Variants in MSANTD3 observed in about 807,000 individuals in gnomAD.
The protein encoded by MSANTD3 is myb/SANT-like DNA-binding domain-containing protein 3.
In MSANTD3, 11 loss-of-function variants were observed where a neutral mutation model predicts 27.7. The observed-to-expected ratio is 0.40, with a 90% CI of 0.25 to 0.66. The LOEUF (loss-of-function observed/expected upper bound fraction) is 0.66, where lower values mean the gene tolerates loss of function less well. MSANTD3 is among the 30% of genes least tolerant of loss of function. The pLI is 0.41. For synonymous variants in MSANTD3, 131 were observed against 127.2 expected (o/e 1.03, Z -0.20); for missense variants, 250 against 336.5 (o/e 0.74, Z 2.01).
chr9:100,429,982 C>T (rs1016268460), intron 1 of MSANTD3, among the ~76,000 whole-genome samples: 6 of 151,716 alleles, frequency 4.0e-5, no homozygotes, highest in Admixed American at 6.6e-5. Context: ...GGATTATAGG[C>T]GTGAGCCACC....
Position 100,451,002 on chromosome 9 carries a change from T to C in MSANTD3, c.*36T>C. 6.5e-7 allele frequency: 1 copy of C among 1,532,114 alleles called. No homozygotes were observed. Among genetic ancestry groups the C allele is most frequent in the Non-Finnish European group, 8.7e-7 (1 of 1,145,266 alleles). The allele number at this position is 1,532,114 out of a possible 1,614,324, so 94.9% of individuals were successfully genotyped here. On this transcript the variant is annotated 3_prime_UTR_variant, in exon 3 of 3. Coordinates refer to ENST00000395067, the MANE Select transcript of MSANTD3 (RefSeq NM_080655.3). ...GTGGCTCTCTTGTAATTAATCTGTG[T>C]TGGCAAAGAATGTCTGGAACATGGA...
chr9:100,439,604 G>A (rs530282423), intron 1 of MSANTD3, among the ~76,000 whole-genome samples: 26 of 151,872 alleles, frequency 1.7e-4, no homozygotes, highest in Admixed American at 3.9e-4. Context: ...CCGCCCCCCG[G>A]GGTCAAGCAA....
At chr9:100,449,818 G>T (rs1257443705) in intron 2 of MSANTD3, among the ~76,000 whole-genome samples, 1 of 152,112 alleles carries the variant, frequency 6.6e-6, no homozygotes. Context: ...AAATCAAGAA[G>T]ACTTGAGAAG....
chr9:100,430,983 T>G (rs1836363598), intron 1 of MSANTD3, among the ~76,000 whole-genome samples: 1 of 152,006 alleles, frequency 6.6e-6, no homozygotes, highest in Non-Finnish European at 1.5e-5. Flanking sequence ...CACTGCCACT[T>G]TATTCTTTTT....
intron 1 of MSANTD3, among the ~76,000 whole-genome samples, chr9:100,434,703 G>C (rs1280482525): frequency 2.0e-5 from 3 of 152,096 alleles, no homozygotes; most frequent in Non-Finnish European, 4.4e-5. Context: ...TCTTGTTCAT[G>C]AAGAATGCAA....
rs1237360006 is a variant in MSANTD3, at chr9:100,441,930, C to T, written c.-9C>T. 1.3e-6 allele frequency: 2 copies of T among 1,597,188 alleles called. No individual in the cohort carries two copies. Among genetic ancestry groups the T allele is most frequent in the Non-Finnish European group, 1.7e-6 (2 of 1,170,416 alleles). On this transcript the variant is annotated 5_prime_UTR_variant, in exon 2 of 3. Transcript: ENST00000395067. ...GGATAGCTAGCGGCCAGGAGAAATA[C>T]AGTGGAAAATGCAAAACAACGAAAT...
At position 100,450,081 on chromosome 9, in the gene MSANTD3, G is replaced by C. The variant is rs115839644; in HGVS notation, c.419-476G>C. On this transcript the variant is annotated intron_variant, in intron 2 of 2. Transcript: ENST00000395067. Reference sequence around the variant, plus strand: ...CTCCAGGGTAAGGGCTAACACCTGTGACCAGGAAACAGCAATAGCACTCTT... The same window carrying C: ...CTCCAGGGTAAGGGCTAACACCTGTCACCAGGAAACAGCAATAGCACTCTT... Among the ~76,000 whole-genome samples, 1,330 of 152,264 alleles carry C rather than the reference G, an allele frequency of 8.7e-3. 25 individuals carry two copies. Among genetic ancestry groups the C allele is most frequent in the African/African-American group, 0.031 (1,273 of 41,542 alleles).
chr9:100,428,390 A>G (rs889486447), intron 1 of MSANTD3, among the ~76,000 whole-genome samples: 3 of 152,116 alleles, frequency 2.0e-5, no homozygotes, highest in African/African-American at 7.3e-5. Context: ...TTAATTAAAA[A>G]ACATAGTTTC....
intron 2 of MSANTD3, chr9:100,445,196 T>C (rs376910242): frequency 6.2e-7 from 1 of 1,609,864 alleles, no homozygotes; most frequent in Non-Finnish European, 8.5e-7. Flanking sequence ...AAAAGAAGCC[T>C]GGAATTGTCA....
chr9:100,428,816 T>A (rs927135646), intron 1 of MSANTD3, among the ~76,000 whole-genome samples: 2 of 151,884 alleles, frequency 1.3e-5, no homozygotes, highest in Non-Finnish European at 2.9e-5. Flanking sequence ...AATGGAAGAG[T>A]GCATTTTCAA....
chr9:100,443,169 G>A (rs975309035), intron 2 of MSANTD3, among the ~76,000 whole-genome samples: 5 of 152,194 alleles, frequency 3.3e-5, no homozygotes, highest in African/African-American at 1.2e-4. Flanking sequence ...GGAGGCTGAG[G>A]TGGGCGGATC....
At position 100,451,245 on chromosome 9, in the gene MSANTD3, T is replaced by G. The variant is rs1024857556; in HGVS notation, c.*279T>G. 5.0e-5 allele frequency: 16 copies of G among 317,750 alleles called. No individual in the cohort carries two copies. The highest frequency in any genetic ancestry group is 7.5e-5 in the Non-Finnish European group (13 of 173,968). 19.7% of individuals were successfully genotyped at this position (317,750 alleles called of 1,614,324 possible). A position where few individuals can be genotyped will look rare whatever the true frequency, so the allele number is the denominator to read the frequency against. ...TTCATACAAGAACCACGTGTGAGTG[T>G]TGTTGTTGTTGTTTTTTTTTTTAAT... On this transcript the variant is annotated 3_prime_UTR_variant, in exon 3 of 3. Coordinates refer to ENST00000395067, the MANE Select transcript of MSANTD3 (RefSeq NM_080655.3).
chr9:100,441,580 A>C (rs1226947175), intron 1 of MSANTD3, among the ~76,000 whole-genome samples: 2 of 152,138 alleles, frequency 1.3e-5, no homozygotes, highest in Non-Finnish European at 1.5e-5. Flanking sequence ...TGGAGGTTGC[A>C]GTGAGCTCAG....
At chr9:100,427,958 G>A (rs1054950188) in intron 1 of MSANTD3, among the ~76,000 whole-genome samples, 5 of 151,948 alleles carry the variant, frequency 3.3e-5, no homozygotes, top group African/African-American at 1.2e-4. Context: ...GGGGGGGCGT[G>A]GTATAATATC....
chr9:100,432,566 G>A (rs942455920), intron 1 of MSANTD3, among the ~76,000 whole-genome samples: 1 of 152,198 alleles, frequency 6.6e-6, no homozygotes, highest in Non-Finnish European at 1.5e-5. Flanking sequence ...TGGCAAGCAG[G>A]TTGGTTATGG....
At chr9:100,431,473 A>G (rs1836375692) in intron 1 of MSANTD3, among the ~76,000 whole-genome samples, 1 of 149,116 alleles carries the variant, frequency 6.7e-6, no homozygotes, top group Non-Finnish European at 1.5e-5. Context: ...CTAATTTTTT[A>G]ATTTTTATTT....
intron 2 of MSANTD3, among the ~76,000 whole-genome samples, chr9:100,445,454 TA>T (rs556028796): frequency 2.6e-5 from 4 of 152,308 alleles, no homozygotes; most frequent in Admixed American, 6.5e-5. Context: ...CCTAAAAATG[TA>T]AAAAAACTCA....
chr9:100,442,808 CAA>C (rs59051169), intron 2 of MSANTD3, among the ~76,000 whole-genome samples: 5,594 of 55,736 alleles, frequency 0.1, 185 homozygotes, highest in South Asian at 0.34. Context: ...GACCCTGTCT[CAA>C]AAAAAAAAAA....
intron 2 of MSANTD3, among the ~76,000 whole-genome samples, chr9:100,446,467 G>A (rs1266446882): frequency 1.3e-5 from 2 of 151,988 alleles, no homozygotes; most frequent in African/African-American, 2.4e-5. Context: ...TTAAATTTAT[G>A]TAGATTTAAA....
Sources: allele counts gnomAD v4.1 joint callset (sites outside exome capture counted in the v4.1 genomes callset), GRCh38; gene constraint gnomAD v4.1.1; transcripts MANE v1.5; gene names NCBI Gene and HGNC (gene_info 2026-07-23, HGNC 2026-07-21).